Variants in THSD4 observed in about 807,000 individuals in gnomAD.
THSD4 encodes the protein thrombospondin type-1 domain-containing protein 4.
A neutral mutation model predicts 119.0 loss-of-function variants in THSD4; 69 were observed. That is an observed-to-expected ratio of 0.58 (90% CI 0.48 to 0.71). THSD4 has a LOEUF of 0.71. Ranked by LOEUF, THSD4 falls within the 30% of genes least tolerant of loss-of-function variation. The probability of loss-of-function intolerance (pLI) is 0.00; values close to 1 mark genes in which losing one functional copy is unlikely to be tolerated. For missense variants in THSD4, 1,393 were observed against 1,391.1 expected (o/e 1.00, Z -0.02); for synonymous variants, 524 against 540.4 (o/e 0.97, Z 0.42).
chr15:71,777,470 G>C lies in THSD4; in HGVS notation c.*96G>C. The C allele has an allele frequency of 6.7e-7, 1 of 1,491,106 alleles. No homozygotes were observed. The highest frequency in any genetic ancestry group is 8.9e-7 in the Non-Finnish European group (1 of 1,120,188). 92.4% of individuals were successfully genotyped at this position (1,491,106 alleles called of 1,614,324 possible). A position where few individuals can be genotyped will look rare whatever the true frequency, so the allele number is the denominator to read the frequency against. ...CTGCTGCTCCACCACGGGCCCCCTG[G>C]CCCAGGCGCTGCCAACCAACTTAGT... On this transcript the variant is annotated 3_prime_UTR_variant, in exon 18 of 18. Transcript: ENST00000261862.
At chr15:71,692,264 C>G (rs1339957242) in intron 8 of THSD4, among the ~76,000 whole-genome samples, 1 of 152,172 alleles carries the variant, frequency 6.6e-6, no homozygotes, top group Non-Finnish European at 1.5e-5. Context: ...CTAAACTGAA[C>G]TGCTGCTATG....
At chr15:71,698,315 G>A (rs1032164568) in intron 8 of THSD4, among the ~76,000 whole-genome samples, 3 of 152,060 alleles carry the variant, frequency 2.0e-5, no homozygotes, top group African/African-American at 4.8e-5. Context: ...TAGAGTGGCC[G>A]TTATCAAACA....
rs189998191 is a variant in THSD4 at position 71,224,072 on chromosome 15, G to T, written c.464+8673G>T. On this transcript the variant is annotated intron_variant, in intron 4 of 17. Coordinates refer to ENST00000261862, the MANE Select transcript of THSD4 (RefSeq NM_024817.3). ...AACTGGAGGAGCCAGGGAAGGCTTC[G>T]GAGGAATAATTGAGCTGTGCTTTGA... Among the ~76,000 whole-genome samples the T allele has an allele frequency of 3.3e-5, 5 of 152,250 alleles. No homozygotes were observed. The South Asian group carries it at 8.3e-4, about 25-fold the overall frequency.
intron 1 of THSD4, among the ~76,000 whole-genome samples, chr15:71,102,887 C>T (rs1379362245): frequency 1.3e-5 from 2 of 152,088 alleles, no homozygotes; most frequent in East Asian, 3.9e-4. Flanking sequence ...CTTCTTTTTT[C>T]CCCCCTGAGA....
chr15:71,288,425 A>T (rs901440431), intron 6 of THSD4, among the ~76,000 whole-genome samples: 1 of 152,136 alleles, frequency 6.6e-6, no homozygotes, highest in African/African-American at 2.4e-5. Flanking sequence ...TATCTGATTA[A>T]CTCTCTCATT....
At chr15:71,370,038 A>G (rs1423897027) in intron 6 of THSD4, among the ~76,000 whole-genome samples, 3 of 149,546 alleles carry the variant, frequency 2.0e-5, no homozygotes, top group Admixed American at 1.3e-4. Flanking sequence ...GAATTTATCC[A>G]TTTCTTCTAG....
chr15:71,349,454 CCTATCAACATGTCTTGAAGGTGTGGCCA>C (rs542650442), intron 6 of THSD4, among the ~76,000 whole-genome samples: 2,184 of 152,298 alleles, frequency 0.014, 55 homozygotes, highest in African/African-American at 0.05. Flanking sequence ...TCCCCCTGCC[CCTATCAACATGTCTTGAAGGTGTGGCCA>C]CTGGCCGTTT....
At chr15:71,552,858 T>A (rs2048953658) in intron 7 of THSD4, among the ~76,000 whole-genome samples, 1 of 152,178 alleles carries the variant, frequency 6.6e-6, no homozygotes, top group South Asian at 2.1e-4. Context: ...GGTCTCCAAC[T>A]CCTGACCTCA....
chr15:71,396,002 C>T (rs909972701), intron 6 of THSD4, among the ~76,000 whole-genome samples: 7 of 150,374 alleles, frequency 4.7e-5, no homozygotes, highest in East Asian at 2.0e-4. Flanking sequence ...CGTCGGGATT[C>T]GCTGAGTGGA....
chr15:71,567,596 AC>A (rs149069118), intron 7 of THSD4, among the ~76,000 whole-genome samples: 4,229 of 132,108 alleles, frequency 0.032, 95 homozygotes, highest in African/African-American at 0.039. Context: ...GAACAAAGAC[AC>A]CCCCCCACAC....
intron 15 of THSD4, among the ~76,000 whole-genome samples, chr15:71,761,518 C>T (rs755033467): frequency 2.6e-5 from 4 of 152,122 alleles, no homozygotes; most frequent in African/African-American, 4.8e-5. Flanking sequence ...ATATAATTCA[C>T]GTACCATAAA....
At chr15:71,656,525 A>G (rs2051196094) in intron 7 of THSD4, among the ~76,000 whole-genome samples, 2 of 152,240 alleles carry the variant, frequency 1.3e-5, no homozygotes, top group Non-Finnish European at 2.9e-5. Flanking sequence ...AAGAGGAGAA[A>G]GCCAGAGTCA....
intron 7 of THSD4, among the ~76,000 whole-genome samples, chr15:71,658,287 G>A (rs1253119187): frequency 1.3e-5 from 2 of 152,192 alleles, no homozygotes; most frequent in African/African-American, 2.4e-5. Context: ...CTCCCAGCAG[G>A]CTTGCACTTC....
intron 8 of THSD4, among the ~76,000 whole-genome samples, chr15:71,690,351 T>TC (rs1157284605): frequency 9.2e-5 from 14 of 152,160 alleles, no homozygotes; most frequent in Non-Finnish European, 1.6e-4. Flanking sequence ...CAGCTGCCAC[T>TC]CCCCACCTCC....
At position 71,420,264 on chromosome 15, in the gene THSD4, A is replaced by G. The variant is rs1263487043; in HGVS notation, c.1152+8441A>G. The stretch of plus-strand genomic sequence containing the variant: ...CTCTTTTTATAGTTTTTGCGTTGAA[A>G]TTTAGTTTGTCTAAGTATAGCTACT... On this transcript the variant is annotated intron_variant, in intron 7 of 17. Coordinates refer to ENST00000261862, the MANE Select transcript of THSD4 (RefSeq NM_024817.3). Among the ~76,000 whole-genome samples, 5 of 108,140 alleles carry G rather than the reference A, an allele frequency of 4.6e-5. 2 individuals carry two copies. The highest frequency in any genetic ancestry group is 2.4e-4 in the Admixed American group (2 of 8,378). 70.9% of individuals were successfully genotyped at this position (108,140 alleles called of 152,430 possible). A position where few individuals can be genotyped will look rare whatever the true frequency, so the allele number is the denominator to read the frequency against.
At chr15:71,629,333 G>A (rs1430272721) in intron 7 of THSD4, among the ~76,000 whole-genome samples, 1 of 152,142 alleles carries the variant, frequency 6.6e-6, no homozygotes, top group East Asian at 1.9e-4. Flanking sequence ...CATCTAGGGG[G>A]CAGGGCGGCC....
At chr15:71,368,178 A>G (rs1311626853) in intron 6 of THSD4, among the ~76,000 whole-genome samples, 1 of 151,876 alleles carries the variant, frequency 6.6e-6, no homozygotes, top group Admixed American at 6.6e-5. Flanking sequence ...TGGATTCTGG[A>G]TATTAGCCCT....
At chr15:71,410,714 T>C (rs2046675016) in intron 6 of THSD4, among the ~76,000 whole-genome samples, 1 of 152,266 alleles carries the variant, frequency 6.6e-6, no homozygotes, top group Non-Finnish European at 1.5e-5. Context: ...ACAGATGATA[T>C]AACTGCGTAG....
At chr15:71,550,316 A>G (rs968682095) in intron 7 of THSD4, among the ~76,000 whole-genome samples, 19 of 152,358 alleles carry the variant, frequency 1.2e-4, no homozygotes, top group Admixed American at 1.2e-3. Context: ...ACCTTCTCAG[A>G]TAAGACCAAT....
Sources: allele counts gnomAD v4.1 joint callset (sites outside exome capture counted in the v4.1 genomes callset), GRCh38; gene constraint gnomAD v4.1.1; transcripts MANE v1.5; gene names NCBI Gene and HGNC (gene_info 2026-07-23, HGNC 2026-07-21).